The following TLCD4 variants were observed in gnomAD, a reference collection of about 807,000 sequenced individuals.
TLCD4 encodes TLC domain-containing protein 4.
A neutral mutation model predicts 24.2 loss-of-function variants in TLCD4; 7 were observed. That is an observed-to-expected ratio of 0.29 (90% CI 0.16 to 0.54). TLCD4 has a LOEUF of 0.54. TLCD4 is among the 20% of genes least tolerant of loss of function. TLCD4 has a pLI of 0.95. For missense variants in TLCD4, 259 were observed against 313.9 expected, an observed-to-expected ratio of 0.82 and a Z score of 1.32; for synonymous variants, 103 against 106.4, an observed-to-expected ratio of 0.97 and a Z score of 0.20.
At chr1:95,138,572 C>A (rs924766961) in intron 1 of TLCD4, 5 of 152,148 alleles carry the variant, frequency 3.3e-5, no homozygotes, top group African/African-American at 1.2e-4. Flanking sequence ...GGCTTTATGA[C>A]ATAACCTGTT....
At chr1:95,176,906 A>G (rs1678449870) in intron 6 of TLCD4, among the ~76,000 whole-genome samples, 1 of 152,304 alleles carries the variant, frequency 6.6e-6, no homozygotes, top group South Asian at 2.1e-4. Context: ...TCTTTTCCCC[A>G]TTGTGTAGTC....
rs557973084 is a variant in TLCD4, at chr1:95,132,915, T to C, written c.-11-10976T>C. Among the ~76,000 whole-genome samples the C allele has an allele frequency of 5.3e-5, 8 of 152,208 alleles. No individual in the cohort carries two copies. The East Asian group carries it at 1.4e-3, about 26-fold the overall frequency. The stretch of plus-strand genomic sequence containing the variant: ...GGTCAGGTAACATGAAAGCTGCACA[T>C]AGCAGTCATTGTTAACCTTAGCAAC... On this transcript the variant is annotated intron_variant, in intron 1 of 6. Coordinates refer to ENST00000370203, the MANE Select transcript of TLCD4 (RefSeq NM_152487.3).
chr1:95,123,916 T>C (rs1001282313), intron 1 of TLCD4, among the ~76,000 whole-genome samples: 4 of 152,220 alleles, frequency 2.6e-5, no homozygotes, highest in African/African-American at 9.6e-5. Context: ...GCATACTGCT[T>C]ATTTTATAAT....
intron 5 of TLCD4, among the ~76,000 whole-genome samples, chr1:95,157,777 G>T (rs932071354): frequency 6.6e-6 from 1 of 152,188 alleles, no homozygotes; most frequent in Non-Finnish European, 1.5e-5. Flanking sequence ...TGTTCCAAGA[G>T]ACCCAGGAGG....
chr1:95,096,723 C>T, the TLCD4 span, among the ~76,000 whole-genome samples: 363 of 152,294 alleles, frequency 2.4e-3, 3 homozygotes, highest in African/African-American at 8.3e-3. Flanking sequence ...AGTTTATGGA[C>T]TATTTCACTG....
chr1:95,105,470 T>TG, the TLCD4 span, among the ~76,000 whole-genome samples: 1 of 152,122 alleles, frequency 6.6e-6, no homozygotes, highest in African/African-American at 2.4e-5. Context: ...CCTCCATGGG[T>TG]GGTGGGTTTT....
the TLCD4 span, among the ~76,000 whole-genome samples, chr1:95,094,853 A>G: frequency 3.9e-5 from 6 of 152,340 alleles, no homozygotes; most frequent in Non-Finnish European, 7.4e-5. Flanking sequence ...CTTATCGCCT[A>G]TCCTGGATAA....
Position 95,143,399 on chromosome 1 carries a change from GTTT to G in TLCD4, c.-11-488_-11-486del, listed in dbSNP as rs1571740272. Among the ~76,000 whole-genome samples, 3 of 152,046 alleles carry G rather than the reference GTTT, an allele frequency of 2.0e-5. No homozygotes were observed. The South Asian group carries it at 6.2e-4, about 32-fold the overall frequency. On this transcript the variant is annotated intron_variant, in intron 1 of 6. Transcript: ENST00000370203. ...TGTTGTTTGTCCTGCTCCAAAATTA[GTTT>G]TTTAATTATGGAATTATTTTTTGTT...
the TLCD4 span, among the ~76,000 whole-genome samples, chr1:95,109,063 C>G: frequency 6.6e-6 from 1 of 152,104 alleles, no homozygotes; most frequent in Middle Eastern, 3.2e-3. Flanking sequence ...TGCAGTGGCT[C>G]ACACCTGTAA....
intron 5 of TLCD4, chr1:95,164,690 T>C (rs1677952533): frequency 6.6e-6 from 1 of 152,212 alleles, no homozygotes; most frequent in Non-Finnish European, 1.5e-5. Flanking sequence ...TTCTTCTACT[T>C]CTCTAACTCC....
At chr1:95,112,801 A>G (rs1261990933), upstream of TLCD4, among the ~76,000 whole-genome samples, 1 of 152,194 alleles carries the variant, frequency 6.6e-6, no homozygotes, top group East Asian at 1.9e-4. Flanking sequence ...TGGGCATTGG[A>G]AGATATTATT....
intron 1 of TLCD4, chr1:95,140,826 A>G (rs974815403): frequency 5.9e-5 from 9 of 152,218 alleles, no homozygotes; most frequent in African/African-American, 1.9e-4. Flanking sequence ...TATGTTAGTA[A>G]TGAGCATCCT....
chr1:95,104,663 C>CAAAAA, the TLCD4 span, among the ~76,000 whole-genome samples: 26 of 40,622 alleles, frequency 6.4e-4, 4 homozygotes, highest in African/African-American at 9.6e-4. Context: ...GACTCCGTCT[C>CAAAAA]AAAAAAAAAA....
At chr1:95,190,211 C>A (rs1250831291) in intron 6 of TLCD4, among the ~76,000 whole-genome samples, 1 of 151,868 alleles carries the variant, frequency 6.6e-6, no homozygotes, top group African/African-American at 2.4e-5. Context: ...TCAAGAGATT[C>A]TCCTGCCTCA....
intron 5 of TLCD4, among the ~76,000 whole-genome samples, chr1:95,172,047 C>T (rs946167292): frequency 2.0e-5 from 3 of 152,178 alleles, no homozygotes; most frequent in Non-Finnish European, 4.4e-5. Flanking sequence ...AGGAAGCTGG[C>T]AGAGAGTCCT....
intron 1 of TLCD4, among the ~76,000 whole-genome samples, chr1:95,122,300 AGT>A (rs1676590989): frequency 1.3e-5 from 2 of 152,222 alleles, no homozygotes; most frequent in Admixed American, 1.3e-4. Flanking sequence ...CAGAGGTTGT[AGT>A]GAGCCGAGAT....
intron 6 of TLCD4, among the ~76,000 whole-genome samples, chr1:95,189,894 G>C (rs1317165943): frequency 3.3e-5 from 5 of 152,140 alleles, no homozygotes; most frequent in African/African-American, 4.8e-5. Context: ...TGTGATTGCT[G>C]GTTTGTGTGC....
intron 1 of TLCD4, among the ~76,000 whole-genome samples, chr1:95,127,838 G>A (rs1387656593): frequency 1.3e-5 from 2 of 152,136 alleles, no homozygotes; most frequent in African/African-American, 4.8e-5. Flanking sequence ...TTTTATTTGT[G>A]CCAGCTACTA....
rs899662733 is a variant in TLCD4, at chr1:95,150,083, A to T, written c.246-125A>T. 88 of 1,311,980 alleles carry T rather than the reference A, an allele frequency of 6.7e-5. No homozygotes were observed. In the African/African-American group the frequency reaches 1.3e-3, roughly 19 times the overall value. The allele number at this position is 1,311,980 out of a possible 1,614,324, so 81.3% of individuals were successfully genotyped here. On this transcript the variant is annotated intron_variant, in intron 3 of 6. Transcript: ENST00000370203. The stretch of plus-strand genomic sequence containing the variant: ...GTGTGTTTTGCAATTTTATTTGAAG[A>T]TGACAGCTTACCATTTGAGAATCTA...
Sources: gnomAD v4.1 joint callset for allele counts (sites outside exome capture counted in the v4.1 genomes callset) on GRCh38, gnomAD v4.1.1 for gene constraint, MANE v1.5 for transcripts, NCBI Gene and HGNC (gene_info 2026-07-23, HGNC 2026-07-21) for gene names.